Variants in RUNX1 observed in about 807,000 individuals in gnomAD.
RUNX1 encodes the protein RUNX family transcription factor 1, also known as runt-related transcription factor 1.
A neutral mutation model predicts 42.8 loss-of-function variants in RUNX1; 19 were observed. The ratio of observed to expected loss-of-function variants is 0.44; its 90% CI spans 0.31 to 0.65. RUNX1 has a LOEUF of 0.65. RUNX1 is among the 30% of genes least tolerant of loss of function. The probability of loss-of-function intolerance (pLI) is 0.07; values close to 1 mark genes in which losing one functional copy is unlikely to be tolerated. For missense variants in RUNX1, 528 were observed against 672.0 expected, an observed-to-expected ratio of 0.79 and a Z score of 2.37; for synonymous variants, 271 against 289.4, an observed-to-expected ratio of 0.94 and a Z score of 0.64.
chr21:35,035,555 C>T (rs560206124), intron 2 of RUNX1, among the ~76,000 whole-genome samples: 3 of 152,292 alleles, frequency 2.0e-5, no homozygotes, highest in East Asian at 1.9e-4. Flanking sequence ...GTGCCTATAT[C>T]GTGAGGTTTT....
intron 2 of RUNX1, among the ~76,000 whole-genome samples, chr21:35,015,759 T>C (rs868099012): frequency 1.3e-5 from 2 of 152,162 alleles, no homozygotes; most frequent in African/African-American, 2.4e-5. Context: ...TCCCACTAAC[T>C]TCACAAGAAC....
At chr21:34,855,662 T>C (rs995282054) in intron 6 of RUNX1, among the ~76,000 whole-genome samples, 3 of 152,158 alleles carry the variant, frequency 2.0e-5, no homozygotes, top group South Asian at 2.1e-4. Context: ...TGAGCCGAGA[T>C]TGTGCCACTG....
rs1354233371 is a variant in RUNX1 at position 34,871,887 on chromosome 21, A to G, written c.508+8670T>C. Among the ~76,000 whole-genome samples the G allele has an allele frequency of 3.3e-5, 5 of 149,354 alleles. No individual in the cohort carries two copies. The Admixed American group carries it at 3.3e-4, about 10-fold the overall frequency. On this transcript the variant is annotated intron_variant, in intron 5 of 8. Transcript: ENST00000675419. ...TAGACGGAGTCTTGCTCTGTCACCCAGGCTGGAGCGCAGTGGCATAATCTC... is the reference window on the plus strand; with the variant it reads ...TAGACGGAGTCTTGCTCTGTCACCCGGGCTGGAGCGCAGTGGCATAATCTC...
chr21:34,875,765 T>C (rs1402203243), intron 5 of RUNX1, among the ~76,000 whole-genome samples: 2 of 152,204 alleles, frequency 1.3e-5, no homozygotes, highest in Non-Finnish European at 2.9e-5. Flanking sequence ...GTCTCTTTGT[T>C]TAGAATATCA....
At position 34,796,692 on chromosome 21, in the gene RUNX1, G is replaced by T. The variant is rs59044178; in HGVS notation, c.967+2609C>A. ...CAGGGCCCCTCCTACTGCCCCCAGA[G>T]GATTAAACAACCTGAGCAGGTAATG... On this transcript the variant is annotated intron_variant, in intron 8 of 8. Coordinates refer to ENST00000675419, the MANE Select transcript of RUNX1 (RefSeq NM_001754.5). Among the ~76,000 whole-genome samples the T allele has an allele frequency of 7.3e-3, 1,107 of 152,274 alleles. 8 individuals are homozygous for T. The highest frequency in any genetic ancestry group is 0.024 in the African/African-American group (1,016 of 41,556).
chr21:34,832,738 C>T (rs372025869), intron 7 of RUNX1, among the ~76,000 whole-genome samples: 43 of 152,082 alleles, frequency 2.8e-4, no homozygotes, highest in African/African-American at 8.4e-4. Context: ...TTACCATATA[C>T]GCTTGTATTT....
chr21:34,816,644 G>A (rs1237221412), intron 7 of RUNX1, among the ~76,000 whole-genome samples: 1 of 152,170 alleles, frequency 6.6e-6, no homozygotes. Flanking sequence ...TTCTGGAGGA[G>A]ATGGGGCAGG....
intron 2 of RUNX1, among the ~76,000 whole-genome samples, chr21:35,045,176 A>C (rs956433077): frequency 1.3e-5 from 2 of 151,716 alleles, no homozygotes; most frequent in Non-Finnish European, 2.9e-5. Context: ...CATGATTGTG[A>C]GTTTAGATAG....
At chr21:34,873,811 A>C (rs906008947) in intron 5 of RUNX1, among the ~76,000 whole-genome samples, 6 of 152,208 alleles carry the variant, frequency 3.9e-5, no homozygotes, top group African/African-American at 1.2e-4. Flanking sequence ...ATCAAAATAC[A>C]TCTCCGTTGA....
intron 7 of RUNX1, among the ~76,000 whole-genome samples, chr21:34,818,255 C>T (rs1273653490): frequency 6.6e-6 from 1 of 152,254 alleles, no homozygotes; most frequent in African/African-American, 2.4e-5. Context: ...CAACAGGCCA[C>T]GAGCTCCTTG....
intron 3 of RUNX1, chr21:34,887,954 A>G (rs1173714917): frequency 4.7e-6 from 5 of 1,065,924 alleles, no homozygotes; most frequent in Non-Finnish European, 5.7e-6. Flanking sequence ...AACAACAATC[A>G]TAAGAAGGCC....
At chr21:34,906,991 C>G (rs1354080938) in intron 2 of RUNX1, among the ~76,000 whole-genome samples, 1 of 152,180 alleles carries the variant, frequency 6.6e-6, no homozygotes, top group Non-Finnish European at 1.5e-5. Flanking sequence ...GGAGCAGCCC[C>G]AATTCTCCCT....
intron 7 of RUNX1, among the ~76,000 whole-genome samples, chr21:34,820,261 C>T (rs1353016676): frequency 5.3e-5 from 8 of 151,880 alleles, no homozygotes; most frequent in African/African-American, 7.3e-5. Flanking sequence ...GTAGAATGGG[C>T]GTGGCTTTGA....
At chr21:34,889,605 G>T in intron 3 of RUNX1, 2 of 1,008,422 alleles carry the variant, frequency 2.0e-6, no homozygotes, top group Non-Finnish European at 1.2e-6. Flanking sequence ...TCTCCCCTCC[G>T]GCTCCCCGGA....
intron 2 of RUNX1, among the ~76,000 whole-genome samples, chr21:34,954,765 A>G (rs908779990): frequency 1.3e-5 from 2 of 152,172 alleles, no homozygotes; most frequent in Middle Eastern, 3.2e-3. Context: ...GGGACCCTGA[A>G]TCACTGCGTG....
At chr21:34,860,109 A>G (rs1432565098) in intron 5 of RUNX1, among the ~76,000 whole-genome samples, 1 of 152,248 alleles carries the variant, frequency 6.6e-6, no homozygotes, top group Admixed American at 6.5e-5. Flanking sequence ...ATTATTTGAA[A>G]ATGCCAGATG....
At chr21:34,909,678 T>TAAGG (rs1421102869) in intron 2 of RUNX1, among the ~76,000 whole-genome samples, 7 of 151,618 alleles carry the variant, frequency 4.6e-5, no homozygotes, top group Non-Finnish European at 1.0e-4. Flanking sequence ...AAGACTGCCT[T>TAAGG]AGGCAAGTCC....
intron 2 of RUNX1, among the ~76,000 whole-genome samples, chr21:34,950,570 C>T (rs1291031905): frequency 2.0e-5 from 3 of 152,190 alleles, no homozygotes; most frequent in Non-Finnish European, 4.4e-5. Flanking sequence ...AAAACCCCAT[C>T]TCTACTAAAT....
intron 3 of RUNX1, chr21:34,889,833 G>A (rs1361879855): frequency 5.4e-6 from 6 of 1,108,962 alleles, no homozygotes; most frequent in Non-Finnish European, 6.6e-6. Flanking sequence ...GGCTGCTCCC[G>A]TCACCATGAG....
Sources: gnomAD v4.1 joint callset for allele counts (sites outside exome capture counted in the v4.1 genomes callset) on GRCh38, gnomAD v4.1.1 for gene constraint, MANE v1.5 for transcripts, NCBI Gene and HGNC (gene_info 2026-07-23, HGNC 2026-07-21) for gene names.